The following LRMDA variants were observed in gnomAD, a reference collection of about 807,000 sequenced individuals.
The protein encoded by LRMDA is leucine rich melanocyte differentiation associated.
Under a neutral mutation model 29.8 loss-of-function variants are expected in LRMDA, and 18 were observed. The observed-to-expected ratio is 0.60, with a 90% CI of 0.42 to 0.90. LRMDA has a LOEUF of 0.90. Ranked by LOEUF, LRMDA falls within the 40% of genes least tolerant of loss-of-function variation. The probability of loss-of-function intolerance (pLI) is 0.00; values close to 1 mark genes in which losing one functional copy is unlikely to be tolerated. For synonymous variants in LRMDA, 125 were observed against 109.4 expected (o/e 1.14, Z -0.89); for missense variants, 273 against 273.9 (o/e 1.00, Z 0.02).
chr10:75,500,762 G>A (rs1295104416), intron 2 of LRMDA, among the ~76,000 whole-genome samples: 5 of 152,116 alleles, frequency 3.3e-5, no homozygotes, highest in African/African-American at 1.2e-4. Context: ...ATATAAAACT[G>A]TCAGATCTTG....
chr10:75,521,876 A>G (rs1224073505), intron 2 of LRMDA, among the ~76,000 whole-genome samples: 2 of 152,258 alleles, frequency 1.3e-5, no homozygotes, highest in Non-Finnish European at 2.9e-5. Context: ...CTCAATTAAA[A>G]CATAGCAAAG....
chr10:75,518,195 A>G (rs965123006), intron 2 of LRMDA, among the ~76,000 whole-genome samples: 1 of 152,164 alleles, frequency 6.6e-6, no homozygotes, highest in Non-Finnish European at 1.5e-5. Flanking sequence ...AGGTTTTGGT[A>G]TGAGGATGAT....
chr10:75,758,262 A>T (rs762356721), intron 2 of LRMDA, among the ~76,000 whole-genome samples: 1 of 152,212 alleles, frequency 6.6e-6, no homozygotes, highest in Non-Finnish European at 1.5e-5. Context: ...CCTCTCAGGA[A>T]GGGCCAGCTG....
chr10:76,504,250 A>G (rs753586225), intron 6 of LRMDA, among the ~76,000 whole-genome samples: 56 of 152,116 alleles, frequency 3.7e-4, no homozygotes, highest in African/African-American at 4.1e-4. Context: ...ATGATTGAGC[A>G]TATGGTTGAT....
intron 2 of LRMDA, among the ~76,000 whole-genome samples, chr10:75,512,690 A>AGCGGCT (rs1197967305): frequency 1.9e-4 from 29 of 152,262 alleles, no homozygotes; most frequent in East Asian, 7.8e-4. Flanking sequence ...GAGGAGCAGC[A>AGCGGCT]GCGGCTGCGG....
intron 2 of LRMDA, among the ~76,000 whole-genome samples, chr10:75,730,462 T>A (rs1175196936): frequency 6.6e-6 from 1 of 152,186 alleles, no homozygotes; most frequent in Non-Finnish European, 1.5e-5. Context: ...GCTCTAGCAC[T>A]CTGAGGACTT....
At chr10:76,298,106 G>A (rs570413931) in intron 5 of LRMDA, among the ~76,000 whole-genome samples, 14 of 152,212 alleles carry the variant, frequency 9.2e-5, no homozygotes, top group Non-Finnish European at 1.9e-4. Context: ...TGCCTTGCGA[G>A]CAACAAAAGC....
intron 6 of LRMDA, among the ~76,000 whole-genome samples, chr10:76,536,770 G>A (rs1323384985): frequency 2.6e-5 from 4 of 151,990 alleles, no homozygotes; most frequent in African/African-American, 7.3e-5. Flanking sequence ...CGTGGTTACC[G>A]CCAGATGGAT....
At chr10:75,808,716 G>A (rs897469105) in intron 2 of LRMDA, among the ~76,000 whole-genome samples, 32 of 152,222 alleles carry the variant, frequency 2.1e-4, no homozygotes, top group Admixed American at 2.0e-3. Context: ...CACCATGTTG[G>A]CCAGGATGGT....
intron 2 of LRMDA, among the ~76,000 whole-genome samples, chr10:75,857,508 T>C (rs1237565872): frequency 2.0e-5 from 3 of 152,234 alleles, no homozygotes; most frequent in Admixed American, 6.5e-5. Flanking sequence ...ATTTGCTGTT[T>C]GCTCAAACAA....
At chr10:75,594,599 A>T (rs1037958198) in intron 2 of LRMDA, among the ~76,000 whole-genome samples, 1 of 152,216 alleles carries the variant, frequency 6.6e-6, no homozygotes, top group Non-Finnish European at 1.5e-5. Flanking sequence ...GGGCCAGTGT[A>T]GCTGTAACCA....
chr10:75,814,170 T>C (rs1463184466), intron 2 of LRMDA, among the ~76,000 whole-genome samples: 1 of 152,226 alleles, frequency 6.6e-6, no homozygotes, highest in Non-Finnish European at 1.5e-5. Flanking sequence ...TGCTTTTCTG[T>C]CTGGAAGACA....
intron 5 of LRMDA, among the ~76,000 whole-genome samples, chr10:76,235,915 A>G (rs1852143728): frequency 6.6e-6 from 1 of 152,196 alleles, no homozygotes; most frequent in African/African-American, 2.4e-5. Context: ...AAGTTTTCAG[A>G]GCTACTTCCG....
chr10:76,218,107 C>T (rs1589380620), intron 5 of LRMDA, among the ~76,000 whole-genome samples: 2 of 152,150 alleles, frequency 1.3e-5, no homozygotes, highest in Non-Finnish European at 2.9e-5. Context: ...GAGTGGAAGG[C>T]CTGGCGGGAG....
chr10:75,938,574 C>G (rs1846334750), intron 2 of LRMDA, among the ~76,000 whole-genome samples: 2 of 152,140 alleles, frequency 1.3e-5, no homozygotes, highest in Admixed American at 1.3e-4. Context: ...CTGCCTTCCC[C>G]CTACCTCTGG....
At chr10:75,693,580 C>A (rs1422128131) in intron 2 of LRMDA, among the ~76,000 whole-genome samples, 2 of 152,172 alleles carry the variant, frequency 1.3e-5, no homozygotes, top group Non-Finnish European at 2.9e-5. Context: ...CTATCTACGA[C>A]AAGATTTGAT....
chr10:75,717,736 C>T (rs1842518671), intron 2 of LRMDA, among the ~76,000 whole-genome samples: 2 of 152,260 alleles, frequency 1.3e-5, no homozygotes, highest in African/African-American at 4.8e-5. Flanking sequence ...TGTTCATCTT[C>T]AGAACCAGCA....
intron 6 of LRMDA, among the ~76,000 whole-genome samples, chr10:76,342,653 TAAAAAA>T (rs1266707206): frequency 6.6e-6 from 1 of 151,394 alleles, no homozygotes; most frequent in Non-Finnish European, 1.5e-5. Context: ...ATATACAAAA[TAAAAAA>T]ATAAAAAGCC....
intron 2 of LRMDA, among the ~76,000 whole-genome samples, chr10:75,704,183 C>T (rs1474535272): frequency 6.6e-6 from 1 of 152,096 alleles, no homozygotes; most frequent in Non-Finnish European, 1.5e-5. Flanking sequence ...ATAGTGTATA[C>T]CTGAAATATG....
Sources: allele counts gnomAD v4.1 joint callset (sites outside exome capture counted in the v4.1 genomes callset), GRCh38; gene constraint gnomAD v4.1.1; transcripts MANE v1.5; gene names NCBI Gene and HGNC (gene_info 2026-07-23, HGNC 2026-07-21).